PEX14: variants seen among roughly 807,000 people sequenced by gnomAD.
The protein encoded by PEX14 is peroxisomal membrane protein PEX14.
In PEX14, 15 loss-of-function variants were observed where a neutral mutation model predicts 49.5. The ratio of observed to expected loss-of-function variants is 0.30; its 90% CI spans 0.20 to 0.47. PEX14 has a LOEUF of 0.47. Ranked by LOEUF, PEX14 falls within the 20% of genes least tolerant of loss-of-function variation. PEX14 has a pLI of 1.00. For synonymous variants in PEX14, 210 were observed against 212.7 expected, an observed-to-expected ratio of 0.99 and a Z score of 0.11; for missense variants, 398 against 494.8, an observed-to-expected ratio of 0.80 and a Z score of 1.86.
Position 10,515,313 on chromosome 1 carries a change from T to C in PEX14, c.84+19992T>C, listed in dbSNP as rs1370845029. ...ACAGTCATGGACATTCAAACTCTTA[T>C]ACATAAATTATCTTAGAAAAATGCA... On this transcript the variant is annotated intron_variant, in intron 2 of 8. Coordinates refer to ENST00000356607, the MANE Select transcript of PEX14 (RefSeq NM_004565.3). 3.3e-5 allele frequency among the ~76,000 whole-genome samples: 5 copies of C among 152,082 alleles called. No individual in the cohort carries two copies. In the East Asian group the frequency reaches 7.7e-4, roughly 23 times the overall value.
At chr1:10,509,477 C>T (rs1641846985) in intron 2 of PEX14, among the ~76,000 whole-genome samples, 1 of 152,072 alleles carries the variant, frequency 6.6e-6, no homozygotes. Context: ...CATTTTATTT[C>T]TTTATAATAT....
rs540071218 is a variant in PEX14, at chr1:10,595,036, T to TA, written c.170-4192dup. Among the ~76,000 whole-genome samples, 40 of 147,932 alleles carry TA rather than the reference T, an allele frequency of 2.7e-4. No individual in the cohort carries two copies. The South Asian group carries it at 6.4e-3, about 24-fold the overall frequency. The stretch of plus-strand genomic sequence containing the variant: ...ATGTAGCTCACTTGTTCTGTCCTTT[T>TA]AAAAAAAAAAGCCCACCCTGGAGAA... On this transcript the variant is annotated intron_variant, in intron 3 of 8. Transcript: ENST00000356607.
chr1:10,522,146 C>T (rs578010392), intron 2 of PEX14, among the ~76,000 whole-genome samples: 1 of 152,314 alleles, frequency 6.6e-6, no homozygotes, highest in South Asian at 2.1e-4. Context: ...CAAGGCTGCT[C>T]TTACCAAACG....
intron 3 of PEX14, among the ~76,000 whole-genome samples, chr1:10,571,783 C>T (rs199955357): frequency 2.0e-5 from 3 of 151,694 alleles, no homozygotes; most frequent in East Asian, 1.9e-4. Flanking sequence ...CACTCCAGCC[C>T]GGGCAACAGA....
intron 3 of PEX14, among the ~76,000 whole-genome samples, chr1:10,577,533 T>C (rs1235036361): frequency 3.7e-3 from 5 of 1,350 alleles, no homozygotes; most frequent in African/African-American, 5.2e-3. Context: ...ACTATACATA[T>C]ATATATATAT....
intron 1 of PEX14, among the ~76,000 whole-genome samples, chr1:10,485,494 A>G (rs1274248097): frequency 6.7e-6 from 1 of 149,968 alleles, no homozygotes; most frequent in African/African-American, 2.5e-5. Flanking sequence ...TATTTTTTGA[A>G]TTTTTGTAGC....
In PEX14 at chr1:10,630,266, G is replaced by T; in HGVS notation, c.*279G>T. 1 of 564,842 alleles carries T rather than the reference G, an allele frequency of 1.8e-6. No individual in the cohort carries two copies. The highest frequency in any genetic ancestry group is 2.9e-5 in the East Asian group (1 of 33,968). 35.0% of individuals were successfully genotyped at this position (564,842 alleles called of 1,614,324 possible). A position where few individuals can be genotyped will look rare whatever the true frequency, so the allele number is the denominator to read the frequency against. On this transcript the variant is annotated 3_prime_UTR_variant, in exon 9 of 9. Transcript: ENST00000356607. This position sits in a 1 kb window ranked among gnomAD's most constrained non-coding sequence, Gnocchi z 4.1. ...TCAGGCTGAAGGCAGCGAAGCCTCG[G>T]GGCCCAAGCCCCTCCCCAGCCCCCT...
chr1:10,529,225 C>G lies in PEX14; in HGVS notation c.85-6988C>G, dbSNP rs1638575265. 6.6e-6 allele frequency among the ~76,000 whole-genome samples: 1 copy of G among 152,192 alleles called. No homozygotes were observed. The highest frequency in any genetic ancestry group is 1.5e-5 in the Non-Finnish European group (1 of 68,032). On this transcript the variant is annotated intron_variant, in intron 2 of 8. Transcript: ENST00000356607. This position sits in a 1 kb window ranked among gnomAD's most constrained non-coding sequence, Gnocchi z 4.2. Reference sequence around the variant, plus strand: ...AACTTTGATCTTCCCAACCCACAAGCAAGGGTTTCATTTCTTCCAGGCCGG... The same window carrying G: ...AACTTTGATCTTCCCAACCCACAAGGAAGGGTTTCATTTCTTCCAGGCCGG...
At chr1:10,538,237 T>C (rs1638897634) in intron 3 of PEX14, among the ~76,000 whole-genome samples, 1 of 152,232 alleles carries the variant, frequency 6.6e-6, no homozygotes, top group Non-Finnish European at 1.5e-5. Context: ...GACTGTGATC[T>C]TAAACAACAT....
chr1:10,611,273 T>TA (rs954254280), intron 4 of PEX14, among the ~76,000 whole-genome samples: 26 of 150,208 alleles, frequency 1.7e-4, no homozygotes, highest in East Asian at 3.9e-4. Context: ...CCCACCGAAA[T>TA]AAAAAAAAAA....
intron 1 of PEX14, among the ~76,000 whole-genome samples, chr1:10,480,411 T>G (rs1641263285): frequency 8.4e-6 from 1 of 118,900 alleles, no homozygotes. Context: ...TTTTTTTTTT[T>G]GAGACGGAGT....
At position 10,629,904 on chromosome 1, in the gene PEX14, C is replaced by T. The variant is rs766959628; in HGVS notation, c.1051C>T (p.Arg351Trp). Residue 351 changes from arginine (R) to tryptophan (W), a missense_variant, in exon 9 of 9, where the codon CGG (arginine) becomes TGG (tryptophan). Arg to Trp is a moderately radical substitution (Grantham distance 101). Around this residue, in one of 3 missense-constraint regions of PEX14, gnomAD observed 140 missense variants for 155.5 expected, o/e 0.90. Transcript: ENST00000356607. This position sits in a 1 kb window ranked among gnomAD's most constrained non-coding sequence, Gnocchi z 8.5. The part of the protein sequence containing the change: ...DCLGVQREDR[R>W]GGDGQINEQV... ...CCTGGGGGTGCAGAGGGAGGACCGCCGGGGCGGGGATGGGCAGATCAACGA... is the reference window on the plus strand; with the variant it reads ...CCTGGGGGTGCAGAGGGAGGACCGCTGGGGCGGGGATGGGCAGATCAACGA... The T allele has an allele frequency of 8.7e-6, 14 of 1,613,268 alleles. No individual in the cohort carries two copies. Among genetic ancestry groups the T allele is most frequent in the South Asian group, 5.5e-5 (5 of 91,032 alleles).
intron 2 of PEX14, among the ~76,000 whole-genome samples, chr1:10,508,103 C>T (rs911062704): frequency 6.6e-6 from 1 of 152,244 alleles, no homozygotes; most frequent in African/African-American, 2.4e-5. Flanking sequence ...CCACTCCCTC[C>T]CCCTATCCAA....
intron 4 of PEX14, among the ~76,000 whole-genome samples, chr1:10,614,772 C>T (rs951499112): frequency 1.1e-4 from 16 of 152,200 alleles, no homozygotes; most frequent in Admixed American, 2.0e-4. Context: ...AGGGATGTTC[C>T]GGGTATGGAT....
chr1:10,481,999 A>AT (rs1189345885), intron 1 of PEX14, among the ~76,000 whole-genome samples: 1 of 150,596 alleles, frequency 6.6e-6, no homozygotes, highest in Admixed American at 6.6e-5. Context: ...TTATTTTTGT[A>AT]TTTTTTGTAG....
rs1639143917 is a variant in PEX14 at position 10,545,544 on chromosome 1, T to G, written c.169+9247T>G. On this transcript the variant is annotated intron_variant, in intron 3 of 8. Transcript: ENST00000356607. The stretch of plus-strand genomic sequence containing the variant: ...AAGCCACTTGACTTTGGAAATATTC[T>G]TAAGAGTGACTAAATAATAGGTCAT... Among the ~76,000 whole-genome samples the G allele has an allele frequency of 2.6e-5, 4 of 152,230 alleles. No individual in the cohort carries two copies. In the South Asian group the frequency reaches 8.3e-4, roughly 32 times the overall value.
intron 2 of PEX14, among the ~76,000 whole-genome samples, chr1:10,524,862 AT>A (rs981755323): frequency 3.3e-5 from 5 of 151,704 alleles, no homozygotes; most frequent in East Asian, 3.9e-4. Context: ...AAAAAAACAA[AT>A]TTTTTTTTGA....
chr1:10,545,230 T>C (rs1215082607), intron 3 of PEX14, among the ~76,000 whole-genome samples: 1 of 152,234 alleles, frequency 6.6e-6, no homozygotes. Context: ...TATATGGCTA[T>C]ACTACCTGTT....
intron 2 of PEX14, among the ~76,000 whole-genome samples, chr1:10,524,142 T>G (rs1217696594): frequency 6.6e-6 from 1 of 152,316 alleles, no homozygotes; most frequent in East Asian, 1.9e-4. Context: ...CATTATTTTA[T>G]TTTATTTGGT....
Sources: gnomAD v4.1 joint callset for allele counts (sites outside exome capture counted in the v4.1 genomes callset) on GRCh38, gnomAD v4.1.1 for gene constraint, gnomAD v4.1.1 regional missense constraint, Gnocchi (gnomAD v3.1) non-coding constraint, MANE v1.5 for transcripts, NCBI Gene and HGNC (gene_info 2026-07-23, HGNC 2026-07-21) for gene names.